The following GTF2E1 variants were observed in gnomAD, a reference collection of about 807,000 sequenced individuals.
GTF2E1 encodes the protein general transcription factor IIE subunit 1.
Under a neutral mutation model 34.9 loss-of-function variants are expected in GTF2E1, and 14 were observed. That is an observed-to-expected ratio of 0.40 (90% CI 0.27 to 0.63). The LOEUF (loss-of-function observed/expected upper bound fraction) is 0.63, where lower values mean the gene tolerates loss of function less well. GTF2E1 is among the 20% of genes least tolerant of loss of function. GTF2E1 has a pLI of 0.39. For missense variants in GTF2E1, 469 were observed against 557.7 expected (o/e 0.84, Z 1.60); for synonymous variants, 188 against 192.9 (o/e 0.97, Z 0.21).
chr3:120,759,620 G>A (rs188963717), intron 2 of GTF2E1, among the ~76,000 whole-genome samples: 70 of 152,284 alleles, frequency 4.6e-4, no homozygotes, highest in Middle Eastern at 3.4e-3. Context: ...TTTGTATAAG[G>A]TGTAAGGAAG....
chr3:120,777,279 T>C (rs1263880276), intron 4 of GTF2E1, among the ~76,000 whole-genome samples: 3 of 152,190 alleles, frequency 2.0e-5, no homozygotes, highest in Admixed American at 6.5e-5. Context: ...TCTAAGTTAC[T>C]GCATTCAAGA....
chr3:120,770,875 T>C lies in GTF2E1; in HGVS notation c.596T>C (p.Leu199Ser). 1 of 1,613,636 alleles carries C rather than the reference T, an allele frequency of 6.2e-7. No individual in the cohort carries two copies. Among genetic ancestry groups the C allele is most frequent in the Non-Finnish European group, 8.5e-7 (1 of 1,179,608 alleles). Residue 199 changes from leucine (L) to serine (S), a missense_variant, in exon 3 of 5, where the codon TTG becomes TCG. Transcript: ENST00000283875. ...ALLRETEDVN[L>S]AYEILEPEPT... The stretch of plus-strand genomic sequence containing the variant: ...CTTCGGGAGACAGAGGATGTGAACT[T>C]GGCCTATGAAATACTTGAGCCAGAA...
At chr3:120,778,792 A>G (rs1037261731) in intron 4 of GTF2E1, among the ~76,000 whole-genome samples, 1 of 152,126 alleles carries the variant, frequency 6.6e-6, no homozygotes, top group African/African-American at 2.4e-5. Context: ...GGTACTTTTT[A>G]GGTTCTTCTG....
intron 1 of GTF2E1, among the ~76,000 whole-genome samples, chr3:120,743,396 T>C (rs1709075365): frequency 6.6e-6 from 1 of 152,130 alleles, no homozygotes; most frequent in Non-Finnish European, 1.5e-5. Context: ...CGATTCTACC[T>C]TGGAAACAAG....
chr3:120,745,258 G>A (rs1709095389), intron 1 of GTF2E1, among the ~76,000 whole-genome samples: 1 of 152,128 alleles, frequency 6.6e-6, no homozygotes, highest in South Asian at 2.1e-4. Context: ...ATTTTCTGAG[G>A]TCAGGGGGCC....
chr3:120,747,727 T>C (rs947144099), intron 1 of GTF2E1, among the ~76,000 whole-genome samples: 1 of 152,256 alleles, frequency 6.6e-6, no homozygotes, highest in African/African-American at 2.4e-5. Context: ...TGTGTCTCTA[T>C]AACAGCATGA....
At chr3:120,771,240 G>T (rs1245278721) in intron 3 of GTF2E1, among the ~76,000 whole-genome samples, 1 of 152,106 alleles carries the variant, frequency 6.6e-6, no homozygotes, top group African/African-American at 2.4e-5. Flanking sequence ...TAGTTGTGCC[G>T]CTTGGGGATA....
Position 120,744,542 on chromosome 3 carries a change from T to C in GTF2E1, c.-31+1748T>C, listed in dbSNP as rs1169534856. On this transcript the variant is annotated intron_variant, in intron 1 of 4. Transcript: ENST00000283875. ...CTCGTCAGGGGTCACCTATTTCTCA[T>C]GGCAGTACTTTTCCTAGCTACGCTG... Among the ~76,000 whole-genome samples, 9 of 152,328 alleles carry C rather than the reference T, an allele frequency of 5.9e-5. No individual in the cohort carries two copies. In the South Asian group the frequency reaches 1.9e-3, roughly 32 times the overall value.
chr3:120,776,395 C>T (rs1477652934), intron 3 of GTF2E1, 28 bp from the exon 4 acceptor site: 2 of 1,590,238 alleles, frequency 1.3e-6, no homozygotes, highest in Admixed American at 1.8e-5. Context: ...TTTTCTTCTT[C>T]CTGTACTCCT....
At chr3:120,760,653 A>C (rs1709252174) in intron 2 of GTF2E1, among the ~76,000 whole-genome samples, 1 of 152,162 alleles carries the variant, frequency 6.6e-6, no homozygotes, top group African/African-American at 2.4e-5. Flanking sequence ...GAATTTTGTC[A>C]AAGACCTTTT....
At chr3:120,769,328 CAA>C (rs1377966300) in intron 2 of GTF2E1, among the ~76,000 whole-genome samples, 5 of 151,914 alleles carry the variant, frequency 3.3e-5, no homozygotes, top group Admixed American at 3.3e-4. Flanking sequence ...CTGTAGTAAA[CAA>C]AGTTAGGTTT....
intron 2 of GTF2E1, among the ~76,000 whole-genome samples, chr3:120,757,953 A>G (rs1709223329): frequency 6.6e-6 from 1 of 152,178 alleles, no homozygotes; most frequent in South Asian, 2.1e-4. Context: ...ACTTGAGGTT[A>G]GGAGTTCAAG....
chr3:120,771,624 C>T (rs1049608905), intron 3 of GTF2E1, among the ~76,000 whole-genome samples: 4 of 152,146 alleles, frequency 2.6e-5, no homozygotes, highest in African/African-American at 9.7e-5. Flanking sequence ...CTTCACTTCA[C>T]CCACTCCCTT....
At chr3:120,748,363 C>A (rs1159130351) in intron 1 of GTF2E1, among the ~76,000 whole-genome samples, 1 of 152,086 alleles carries the variant, frequency 6.6e-6, no homozygotes, top group Non-Finnish European at 1.5e-5. Context: ...AGGTTTTCTT[C>A]TAGGGTTTTT....
intron 2 of GTF2E1, among the ~76,000 whole-genome samples, chr3:120,761,127 T>C (rs1352509574): frequency 2.6e-5 from 4 of 152,216 alleles, no homozygotes; most frequent in Admixed American, 2.6e-4. Context: ...GAGATTCAAC[T>C]TCTTCCTGGT....
In GTF2E1 at chr3:120,781,164, T is replaced by C; in HGVS notation, c.1014T>C (p.Gly338=). ...HEKKTSSAMA[G]SVGAAAPVTA... ...AAAAGACTTCCTCTGCCATGGCTGGTTCAGTGGGGGCAGCTGCTCCAGTGA... is the reference window on the plus strand; with the variant it reads ...AAAAGACTTCCTCTGCCATGGCTGGCTCAGTGGGGGCAGCTGCTCCAGTGA... The change falls in exon 5 of 5, where the codon GGT becomes GGC. Residue 338 remains glycine, a synonymous_variant. Coordinates refer to ENST00000283875, the MANE Select transcript of GTF2E1 (RefSeq NM_005513.3). 1 of 1,613,782 alleles carries C rather than the reference T, an allele frequency of 6.2e-7. No homozygotes were observed. The highest frequency in any genetic ancestry group is 8.5e-7 in the Non-Finnish European group (1 of 1,179,938).
At chr3:120,746,253 A>G (rs554028858) in intron 1 of GTF2E1, among the ~76,000 whole-genome samples, 3 of 152,188 alleles carry the variant, frequency 2.0e-5, no homozygotes, top group Non-Finnish European at 4.4e-5. Flanking sequence ...CTCCATTGAA[A>G]TAGTTCAATG....
chr3:120,765,612 A>G (rs1257488276), intron 2 of GTF2E1, among the ~76,000 whole-genome samples: 1 of 152,212 alleles, frequency 6.6e-6, no homozygotes, highest in Non-Finnish European at 1.5e-5. Context: ...TTGTATTTGA[A>G]TCCAAGTTTA....
intron 2 of GTF2E1, among the ~76,000 whole-genome samples, chr3:120,759,518 C>T (rs1709239547): frequency 6.6e-6 from 1 of 152,094 alleles, no homozygotes; most frequent in Non-Finnish European, 1.5e-5. Context: ...TTACTTATGC[C>T]TATGTCCTGA....
Sources: allele counts gnomAD v4.1 joint callset (sites outside exome capture counted in the v4.1 genomes callset), GRCh38; gene constraint gnomAD v4.1.1; transcripts MANE v1.5; gene names NCBI Gene and HGNC (gene_info 2026-07-23, HGNC 2026-07-21).